The following MACROD2 variants were observed in gnomAD, a reference collection of about 807,000 sequenced individuals.
MACROD2 encodes the protein ADP-ribose glycohydrolase MACROD2.
In MACROD2, 36 loss-of-function variants were observed where a neutral mutation model predicts 70.4. The observed-to-expected ratio is 0.51, with a 90% CI of 0.39 to 0.68. The LOEUF (loss-of-function observed/expected upper bound fraction) is 0.68, where lower values mean the gene tolerates loss of function less well. Among genes scored for constraint, MACROD2 ranks in the 30% least tolerant of loss-of-function variants. The pLI, the probability that MACROD2 is intolerant of heterozygous loss-of-function variation, is 0.00. For missense variants in MACROD2, 496 were observed against 538.4 expected (o/e 0.92, Z 0.78); for synonymous variants, 172 against 178.8 (o/e 0.96, Z 0.30).
intron 10 of MACROD2, among the ~76,000 whole-genome samples, chr20:15,888,642 T>C (rs757689845): frequency 1.3e-5 from 2 of 152,170 alleles, no homozygotes; most frequent in African/African-American, 2.4e-5. Flanking sequence ...TCACCATTTC[T>C]GATTTTAGTT....
intron 6 of MACROD2, among the ~76,000 whole-genome samples, chr20:15,289,794 C>T (rs2077525576): frequency 6.6e-6 from 1 of 152,188 alleles, no homozygotes; most frequent in South Asian, 2.1e-4. Flanking sequence ...TTCTGGCTCA[C>T]TCACTCAGCA....
intron 4 of MACROD2, among the ~76,000 whole-genome samples, chr20:14,637,299 A>G (rs1372328979): frequency 1.3e-5 from 2 of 152,178 alleles, no homozygotes. Context: ...ATCCACTCTA[A>G]TGACGGATAT....
chr20:14,856,252 C>T (rs1454956498), intron 5 of MACROD2, among the ~76,000 whole-genome samples: 1 of 152,030 alleles, frequency 6.6e-6, no homozygotes, highest in East Asian at 1.9e-4. Flanking sequence ...AATAAATATT[C>T]ACATGCTTTA....
At chr20:15,649,473 A>G (rs458524) in intron 8 of MACROD2, among the ~76,000 whole-genome samples, 3,587 of 152,084 alleles carry the variant, frequency 0.024, 174 homozygotes, top group East Asian at 0.2. Flanking sequence ...CACTCATTTT[A>G]TTCCTTGCCT....
chr20:14,786,644 T>G (rs910116091), intron 5 of MACROD2, among the ~76,000 whole-genome samples: 1 of 151,960 alleles, frequency 6.6e-6, no homozygotes, highest in African/African-American at 2.4e-5. Context: ...TCCTTGCTCT[T>G]AAAAGCAAAA....
chr20:15,959,724 G>A (rs979017721), intron 12 of MACROD2, among the ~76,000 whole-genome samples: 2 of 151,940 alleles, frequency 1.3e-5, no homozygotes, highest in Admixed American at 1.3e-4. Context: ...AGTAGAAGCG[G>A]GGTTTCACTA....
intron 3 of MACROD2, among the ~76,000 whole-genome samples, chr20:14,180,186 G>T (rs1162761868): frequency 6.6e-6 from 1 of 151,982 alleles, no homozygotes; most frequent in Non-Finnish European, 1.5e-5. Flanking sequence ...GTATTACACA[G>T]TAGGTAAGTA....
chr20:15,738,735 C>T (rs1359593316), intron 8 of MACROD2, among the ~76,000 whole-genome samples: 4 of 152,066 alleles, frequency 2.6e-5, no homozygotes, highest in African/African-American at 9.7e-5. Context: ...GAAGTTGAGG[C>T]ACATCCAGCA....
At chr20:14,919,573 G>C (rs2074136248) in intron 5 of MACROD2, among the ~76,000 whole-genome samples, 1 of 152,150 alleles carries the variant, frequency 6.6e-6, no homozygotes, top group Non-Finnish European at 1.5e-5. Context: ...TTTGTTCCTT[G>C]TACTGCTTTG....
rs187031526 is a variant in MACROD2 at position 15,921,772 on chromosome 20, C to T, written c.776-11504C>T. On this transcript the variant is annotated intron_variant, in intron 10 of 17. Transcript: ENST00000684519. ...AAAGATTCAAGGGCCAGCAGTTGAT[C>T]TGGGGAGTGATTCCCAGGAAGGGCC... Among the ~76,000 whole-genome samples the T allele has an allele frequency of 1.2e-3, 185 of 152,314 alleles. 1 individual carries two copies. The highest frequency in any genetic ancestry group is 3.9e-3 in the African/African-American group (164 of 41,582).
At chr20:14,224,261 A>G (rs532274592) in intron 3 of MACROD2, among the ~76,000 whole-genome samples, 1 of 152,200 alleles carries the variant, frequency 6.6e-6, no homozygotes, top group South Asian at 2.1e-4. Flanking sequence ...ATTCAATCTT[A>G]TATAGTATCC....
At chr20:14,882,644 G>A (rs1197160469) in intron 5 of MACROD2, among the ~76,000 whole-genome samples, 1 of 152,134 alleles carries the variant, frequency 6.6e-6, no homozygotes, top group East Asian at 1.9e-4. Flanking sequence ...AACCATTTAA[G>A]GTTAAAACAG....
At chr20:15,568,744 C>G (rs961294432) in intron 8 of MACROD2, among the ~76,000 whole-genome samples, 8 of 152,120 alleles carry the variant, frequency 5.3e-5, no homozygotes, top group Admixed American at 4.6e-4. Flanking sequence ...TTTTCCTGAC[C>G]ATCAAACTCA....
intron 5 of MACROD2, among the ~76,000 whole-genome samples, chr20:14,761,899 T>A (rs901721424): frequency 1.3e-5 from 2 of 152,148 alleles, no homozygotes; most frequent in African/African-American, 4.8e-5. Flanking sequence ...AACAAGTCAG[T>A]AAATACTTAG....
In MACROD2 at chr20:15,698,263, G is replaced by A. The variant is rs145267343; in HGVS notation, c.646-164482G>A. Among the ~76,000 whole-genome samples the A allele has an allele frequency of 5.3e-3, 809 of 152,234 alleles. 6 individuals carry two copies. The highest frequency in any genetic ancestry group is 0.017 in the African/African-American group (714 of 41,544). ...TCCTTTTAGCAGTTCTTGTAGTGGT[G>A]GCTTGATAATGGCGAATTCTCTCAG... On this transcript the variant is annotated intron_variant, in intron 8 of 17. Coordinates refer to ENST00000684519, the MANE Select transcript of MACROD2 (RefSeq NM_001351661.2).
intron 5 of MACROD2, among the ~76,000 whole-genome samples, chr20:14,820,580 A>T (rs1373984520): frequency 6.6e-6 from 1 of 151,850 alleles, no homozygotes; most frequent in Non-Finnish European, 1.5e-5. Flanking sequence ...CAATATCTTA[A>T]CTTAGCTTCT....
At chr20:15,300,165 T>G (rs1459418274) in intron 6 of MACROD2, among the ~76,000 whole-genome samples, 1 of 152,168 alleles carries the variant, frequency 6.6e-6, no homozygotes, top group Admixed American at 6.5e-5. Flanking sequence ...TTTACTGTTA[T>G]TAATGTAGCT....
chr20:15,363,981 T>C (rs956597000), intron 6 of MACROD2, among the ~76,000 whole-genome samples: 1 of 152,144 alleles, frequency 6.6e-6, no homozygotes, highest in Non-Finnish European at 1.5e-5. Flanking sequence ...TATCCACTCT[T>C]CCTTTCTTTA....
intron 9 of MACROD2, among the ~76,000 whole-genome samples, chr20:15,875,693 T>C (rs546591113): frequency 6.6e-6 from 1 of 152,056 alleles, no homozygotes; most frequent in South Asian, 2.1e-4. Context: ...TAGCAAATGC[T>C]GATAACCAGC....
Sources: gnomAD v4.1 joint callset for allele counts (sites outside exome capture counted in the v4.1 genomes callset) on GRCh38, gnomAD v4.1.1 for gene constraint, MANE v1.5 for transcripts, NCBI Gene and HGNC (gene_info 2026-07-23, HGNC 2026-07-21) for gene names.